Variants in TCF4 observed in about 807,000 individuals in gnomAD.
The protein encoded by TCF4 is SL3-3 enhancer factor 2.
A neutral mutation model predicts 82.1 loss-of-function variants in TCF4; 3 were observed. The ratio of observed to expected loss-of-function variants is 0.04; its 90% CI spans 0.02 to 0.09. The LOEUF (loss-of-function observed/expected upper bound fraction) is 0.09. Among genes scored for constraint, TCF4 ranks in the 10% least tolerant of loss-of-function variants. TCF4 has a pLI of 1.00. For synonymous variants in TCF4, 276 were observed against 309.6 expected (o/e 0.89, Z 1.14); for missense variants, 518 against 852.7 (o/e 0.61, Z 4.89).
chr18:55,373,548 C>T (rs1050152303), intron 6 of TCF4, among the ~76,000 whole-genome samples: 13 of 152,100 alleles, frequency 8.5e-5, no homozygotes, highest in African/African-American at 2.7e-4. Context: ...TGCAGTGGCT[C>T]ACGCCTGTAA....
chr18:55,505,057 C>T (rs1418494657), intron 3 of TCF4, among the ~76,000 whole-genome samples: 1 of 152,172 alleles, frequency 6.6e-6, no homozygotes, highest in African/African-American at 2.4e-5. Context: ...AGTTAGGATA[C>T]ATTTTGGGGT....
chr18:55,493,194 T>TA (rs1471114072), intron 3 of TCF4, among the ~76,000 whole-genome samples: 2 of 152,120 alleles, frequency 1.3e-5, no homozygotes, highest in Non-Finnish European at 2.9e-5. Context: ...AAGTCTATTT[T>TA]AAAAAACAAG....
intron 6 of TCF4, among the ~76,000 whole-genome samples, chr18:55,355,314 T>C (rs1036680071): frequency 3.9e-5 from 6 of 152,190 alleles, no homozygotes; most frequent in African/African-American, 1.4e-4. Flanking sequence ...TATCACAACC[T>C]AGGTCATTTC....
chr18:55,387,939 C>G (rs1210038328), intron 6 of TCF4, among the ~76,000 whole-genome samples: 1 of 152,150 alleles, frequency 6.6e-6, no homozygotes, highest in Non-Finnish European at 1.5e-5. Context: ...TATTGTGTGG[C>G]TGTGTCTGAG....
intron 15 of TCF4, among the ~76,000 whole-genome samples, chr18:55,238,427 A>C (rs1275815860): frequency 6.6e-6 from 1 of 152,244 alleles, no homozygotes; most frequent in Non-Finnish European, 1.5e-5. Context: ...AATCTAGCTC[A>C]TGCCTGTCAC....
intron 2 of TCF4, among the ~76,000 whole-genome samples, chr18:55,621,977 T>C (rs1324248566): frequency 3.1e-5 from 4 of 127,794 alleles, no homozygotes; most frequent in Admixed American, 1.9e-4. Context: ...ATATTATATA[T>C]TATATATACA....
intron 10 of TCF4, among the ~76,000 whole-genome samples, chr18:55,270,305 G>T (rs954603047): frequency 6.6e-6 from 1 of 151,870 alleles, no homozygotes; most frequent in Non-Finnish European, 1.5e-5. Flanking sequence ...TTTTTTGTGT[G>T]GCCTATTGAT....
chr18:55,432,287 A>G (rs921908408), intron 5 of TCF4, among the ~76,000 whole-genome samples: 4 of 152,152 alleles, frequency 2.6e-5, no homozygotes, highest in South Asian at 2.1e-4. Context: ...TGGGCGACAG[A>G]GTGAGACTCT....
intron 3 of TCF4, among the ~76,000 whole-genome samples, chr18:55,507,022 C>G (rs1238658633): frequency 6.6e-6 from 1 of 152,132 alleles, no homozygotes; most frequent in Non-Finnish European, 1.5e-5. Context: ...ACCACCACGT[C>G]TGGCTAATTT....
At chr18:55,521,120 A>T (rs1172782695) in intron 3 of TCF4, among the ~76,000 whole-genome samples, 1 of 152,174 alleles carries the variant, frequency 6.6e-6, no homozygotes, top group South Asian at 2.1e-4. Context: ...GTTTATTTGG[A>T]AAGACTGAAA....
chr18:55,231,053 C>T (rs1199023309), intron 17 of TCF4: 1 of 152,314 alleles, frequency 6.6e-6, no homozygotes, highest in East Asian at 1.9e-4. Flanking sequence ...ACTGAGTCCA[C>T]TGGAAAAGGC....
chr18:55,346,119 T>C (rs529608718), intron 8 of TCF4, among the ~76,000 whole-genome samples: 4 of 152,202 alleles, frequency 2.6e-5, no homozygotes, highest in African/African-American at 9.6e-5. Flanking sequence ...ACAAAATACA[T>C]AGGACATTTA....
intron 6 of TCF4, among the ~76,000 whole-genome samples, chr18:55,356,386 C>A (rs553725733): frequency 6.6e-6 from 1 of 152,204 alleles, no homozygotes; most frequent in South Asian, 2.1e-4. Flanking sequence ...TAGGTTTTTT[C>A]CATATTTAAT....
At chr18:55,547,125 A>G (rs2097214167) in intron 3 of TCF4, among the ~76,000 whole-genome samples, 1 of 152,244 alleles carries the variant, frequency 6.6e-6, no homozygotes, top group African/African-American at 2.4e-5. Flanking sequence ...AATCCACTTA[A>G]GCAGTTTTTA....
chr18:55,603,021 C>T (rs1465478980), intron 2 of TCF4, among the ~76,000 whole-genome samples: 3 of 152,090 alleles, frequency 2.0e-5, no homozygotes, highest in African/African-American at 7.2e-5. Context: ...GAAAGCTTTA[C>T]AGTTGGGGGA....
chr18:55,614,273 T>C (rs1168110771), intron 2 of TCF4, among the ~76,000 whole-genome samples: 1 of 152,208 alleles, frequency 6.6e-6, no homozygotes, highest in African/African-American at 2.4e-5. Flanking sequence ...TTTCACTTAG[T>C]TACATATCTA....
chr18:55,449,221 T>C (rs375724896), intron 5 of TCF4, among the ~76,000 whole-genome samples: 1 of 152,100 alleles, frequency 6.6e-6, no homozygotes, highest in African/African-American at 2.4e-5. Flanking sequence ...TTTTTCCTGG[T>C]TTTTCTCTAG....
chr18:55,499,063 C>A (rs1302530791), intron 3 of TCF4, among the ~76,000 whole-genome samples: 3 of 152,116 alleles, frequency 2.0e-5, no homozygotes, highest in African/African-American at 7.2e-5. Context: ...TTTTCCAGAA[C>A]AGGTCCAAGA....
intron 3 of TCF4, among the ~76,000 whole-genome samples, chr18:55,547,659 T>C (rs1407208443): frequency 6.6e-6 from 1 of 152,206 alleles, no homozygotes; most frequent in African/African-American, 2.4e-5. Context: ...ATTTAATACT[T>C]CCTAGGCCAT....
Sources: allele counts gnomAD v4.1 joint callset (sites outside exome capture counted in the v4.1 genomes callset), GRCh38; gene constraint gnomAD v4.1.1; transcripts MANE v1.5; gene names NCBI Gene and HGNC (gene_info 2026-07-23, HGNC 2026-07-21).